Variants in MAGI2 observed in about 807,000 individuals in gnomAD.
MAGI2 encodes membrane-associated guanylate kinase, WW and PDZ domain-containing protein 2.
A neutral mutation model predicts 133.3 loss-of-function variants in MAGI2; 35 were observed. That is an observed-to-expected ratio of 0.26 (90% CI 0.20 to 0.35). The LOEUF (loss-of-function observed/expected upper bound fraction) is 0.35. Ranked by LOEUF, MAGI2 falls within the 10% of genes least tolerant of loss-of-function variation. The probability of loss-of-function intolerance (pLI) is 1.00; values close to 1 mark genes in which losing one functional copy is unlikely to be tolerated. For missense variants in MAGI2, 1,636 were observed against 1,863.4 expected (o/e 0.88, Z 2.25); for synonymous variants, 729 against 710.6 (o/e 1.03, Z -0.41).
At chr7:78,893,572 C>T (rs1292018969) in intron 2 of MAGI2, among the ~76,000 whole-genome samples, 1 of 152,126 alleles carries the variant, frequency 6.6e-6, no homozygotes, top group African/African-American at 2.4e-5. Context: ...GAGTTCATGT[C>T]CTTTGTAGGG....
intron 2 of MAGI2, among the ~76,000 whole-genome samples, chr7:78,754,189 C>T (rs1478496130): frequency 1.3e-5 from 2 of 151,864 alleles, no homozygotes; most frequent in Admixed American, 6.6e-5. Flanking sequence ...CCAGCCTGGG[C>T]AACATAGCAA....
chr7:78,543,595 A>G (rs1798587172), intron 3 of MAGI2, among the ~76,000 whole-genome samples: 1 of 152,232 alleles, frequency 6.6e-6, no homozygotes, highest in Admixed American at 6.5e-5. Context: ...TTAGATGATT[A>G]CCTCATAGGA....
At chr7:79,430,540 CCTT>C (rs1419436975) in intron 1 of MAGI2, among the ~76,000 whole-genome samples, 8 of 152,244 alleles carry the variant, frequency 5.3e-5, no homozygotes, top group African/African-American at 1.9e-4. Context: ...TTTCTTGACT[CCTT>C]CTCAATTGCC....
chr7:78,406,346 CT>C (rs1222566430), intron 6 of MAGI2, among the ~76,000 whole-genome samples: 1 of 152,000 alleles, frequency 6.6e-6, no homozygotes, highest in African/African-American at 2.4e-5. Context: ...TATTTCCGAC[CT>C]TGCTTTGTAA....
chr7:78,651,308 C>T (rs1185610961), intron 2 of MAGI2, among the ~76,000 whole-genome samples: 1 of 103,866 alleles, frequency 9.6e-6, no homozygotes, highest in Non-Finnish European at 2.1e-5. Flanking sequence ...TATAAACTTT[C>T]TGCCTTTGTG....
At chr7:78,528,390 A>G (rs148308201) in intron 3 of MAGI2, among the ~76,000 whole-genome samples, 625 of 152,338 alleles carry the variant, frequency 4.1e-3, no homozygotes, top group South Asian at 0.012. Context: ...TGGATAAATC[A>G]TCAAAGGACC....
At chr7:79,174,949 T>C (rs1204612859) in intron 1 of MAGI2, among the ~76,000 whole-genome samples, 5 of 151,892 alleles carry the variant, frequency 3.3e-5, no homozygotes, top group Admixed American at 3.3e-4. Context: ...TGTGGCAATA[T>C]ATCAAGAACC....
At chr7:79,149,485 T>C (rs1021710903) in intron 1 of MAGI2, among the ~76,000 whole-genome samples, 15 of 152,052 alleles carry the variant, frequency 9.9e-5, no homozygotes, top group Non-Finnish European at 1.8e-4. Flanking sequence ...AGATATGCAA[T>C]GGAGCAGCAT....
At chr7:78,527,030 A>AAAAAAAAAAAG (rs1797030456) in intron 3 of MAGI2, among the ~76,000 whole-genome samples, 1 of 101,716 alleles carries the variant, frequency 9.8e-6, no homozygotes, top group Non-Finnish European at 2.3e-5. Flanking sequence ...AAAAAAAAAA[A>AAAAAAAAAAAG]AAAAGAAAAA....
At chr7:78,225,957 G>A (rs1334138059) in intron 10 of MAGI2, among the ~76,000 whole-genome samples, 1 of 152,038 alleles carries the variant, frequency 6.6e-6, no homozygotes, top group Non-Finnish European at 1.5e-5. Flanking sequence ...TCTAAGACAG[G>A]GAGTGCTTCT....
At chr7:79,425,944 C>T (rs749484617) in intron 1 of MAGI2, among the ~76,000 whole-genome samples, 1 of 152,066 alleles carries the variant, frequency 6.6e-6, no homozygotes, top group Non-Finnish European at 1.5e-5. Flanking sequence ...ATAAAAGGCA[C>T]CACATAATTT....
chr7:78,979,647 G>A (rs1157123493), intron 2 of MAGI2, among the ~76,000 whole-genome samples: 3 of 151,752 alleles, frequency 2.0e-5, no homozygotes, highest in South Asian at 4.1e-4. Flanking sequence ...CTGTTCTCAA[G>A]TTCAATTCCC....
chr7:78,035,383 A>G (rs1198480589), intron 21 of MAGI2, among the ~76,000 whole-genome samples: 1 of 136,486 alleles, frequency 7.3e-6, no homozygotes, highest in Non-Finnish European at 1.6e-5. Context: ...GGGTCCCAAG[A>G]GAGCCTCAGG....
intron 1 of MAGI2, among the ~76,000 whole-genome samples, chr7:79,209,732 C>T (rs967262427): frequency 4.9e-4 from 75 of 152,024 alleles, no homozygotes; most frequent in Non-Finnish European, 1.2e-4. Flanking sequence ...CCACATAATT[C>T]ATATTTCTAA....
intron 16 of MAGI2, among the ~76,000 whole-genome samples, chr7:78,148,244 T>C (rs752709735): frequency 2.8e-4 from 43 of 152,150 alleles, no homozygotes; most frequent in Non-Finnish European, 5.6e-4. Flanking sequence ...TGCAACAACA[T>C]GGATGAATCT....
chr7:78,628,812 C>A (rs373210697), intron 2 of MAGI2, among the ~76,000 whole-genome samples: 6 of 148,584 alleles, frequency 4.0e-5, no homozygotes, highest in South Asian at 2.2e-4. Flanking sequence ...TCTATGAGAA[C>A]CTTAACTTTC....
At chr7:79,026,848 CAGAGCAAGACTGTCTCTGAAAAAAA>C (rs1809940671) in intron 1 of MAGI2, among the ~76,000 whole-genome samples, 1 of 145,584 alleles carries the variant, frequency 6.9e-6, no homozygotes, top group Non-Finnish European at 1.5e-5. Context: ...GCCTGGGAGA[CAGAGCAAGACTGTCTCTGAAAAAAA>C]AGAAAAAAGA....
At chr7:78,994,752 C>T (rs1228352403) in intron 2 of MAGI2, among the ~76,000 whole-genome samples, 3 of 152,072 alleles carry the variant, frequency 2.0e-5, no homozygotes, top group Non-Finnish European at 4.4e-5. Flanking sequence ...ATGGGAACCA[C>T]AACACATTTC....
intron 21 of MAGI2, among the ~76,000 whole-genome samples, chr7:78,076,157 C>A (rs575011189): frequency 2.0e-5 from 3 of 152,066 alleles, no homozygotes; most frequent in Non-Finnish European, 4.4e-5. Flanking sequence ...GATGATTGGC[C>A]ACTCAAAAGC....
Sources: gnomAD v4.1 joint callset for allele counts (sites outside exome capture counted in the v4.1 genomes callset) on GRCh38, gnomAD v4.1.1 for gene constraint, MANE v1.5 for transcripts, NCBI Gene and HGNC (gene_info 2026-07-23, HGNC 2026-07-21) for gene names.